LRRTM4: variants seen among roughly 807,000 people sequenced by gnomAD.
LRRTM4 encodes leucine-rich repeat transmembrane neuronal protein 4.
In LRRTM4, 25 loss-of-function variants were observed where a neutral mutation model predicts 47.6. The ratio of observed to expected loss-of-function variants is 0.53; its 90% CI spans 0.38 to 0.73. The LOEUF is 0.73. Ranked by LOEUF, LRRTM4 falls within the 30% of genes least tolerant of loss-of-function variation. The pLI is 0.00. For missense variants in LRRTM4, 638 were observed against 713.4 expected (o/e 0.89, Z 1.20); for synonymous variants, 311 against 269.5 (o/e 1.15, Z -1.51).
intron 3 of LRRTM4, among the ~76,000 whole-genome samples, chr2:76,837,983 G>T (rs1423881756): frequency 6.6e-6 from 1 of 151,696 alleles, no homozygotes; most frequent in East Asian, 1.9e-4. Context: ...TATACCTAAT[G>T]CTAAATGACG....
At chr2:77,294,039 T>C (rs1025756449) in intron 3 of LRRTM4, among the ~76,000 whole-genome samples, 2 of 152,190 alleles carry the variant, frequency 1.3e-5, no homozygotes, top group East Asian at 1.9e-4. Flanking sequence ...AACATATATG[T>C]ATACCACATA....
chr2:77,016,441 G>A (rs1262035425), intron 3 of LRRTM4, among the ~76,000 whole-genome samples: 1 of 151,556 alleles, frequency 6.6e-6, no homozygotes, highest in Non-Finnish European at 1.5e-5. Context: ...AGTTCTGATT[G>A]CTGAATAGAA....
intron 3 of LRRTM4, among the ~76,000 whole-genome samples, chr2:77,277,692 C>T (rs562368245): frequency 6.6e-6 from 1 of 152,052 alleles, no homozygotes; most frequent in Admixed American, 6.6e-5. Flanking sequence ...CAGATGATCT[C>T]GTTTTCTTAA....
rs1209427676 is a variant in LRRTM4, at chr2:77,324,180, A to G, written c.1551+194138T>C. Among the ~76,000 whole-genome samples, 3 of 152,174 alleles carry G rather than the reference A, an allele frequency of 2.0e-5. No individual in the cohort carries two copies. In the East Asian group the frequency reaches 5.8e-4, roughly 29 times the overall value. Reference sequence around the variant, plus strand: ...TTCTGGTGTTCTCTCCCTATCCCACATGTATTTGACTTTATTGATATTTTT... The same window carrying G: ...TTCTGGTGTTCTCTCCCTATCCCACGTGTATTTGACTTTATTGATATTTTT... On this transcript the variant is annotated intron_variant, in intron 3 of 3. Transcript: ENST00000409884.
At chr2:76,942,674 A>G (rs1325967209) in intron 3 of LRRTM4, among the ~76,000 whole-genome samples, 20 of 123,342 alleles carry the variant, frequency 1.6e-4, no homozygotes, top group Admixed American at 6.4e-4. Context: ...ACCTCTAGGA[A>G]TCTGTGTGTG....
At chr2:77,491,732 T>G (rs1678171606) in intron 3 of LRRTM4, among the ~76,000 whole-genome samples, 1 of 151,716 alleles carries the variant, frequency 6.6e-6, no homozygotes, top group African/African-American at 2.4e-5. Flanking sequence ...AGGGAAAGAG[T>G]AAAGGAATAA....
At chr2:76,969,945 C>T (rs915057889) in intron 3 of LRRTM4, among the ~76,000 whole-genome samples, 1 of 151,938 alleles carries the variant, frequency 6.6e-6, no homozygotes, top group African/African-American at 2.4e-5. Context: ...CAGAATATAT[C>T]TGTTCTGCTG....
chr2:77,002,549 T>C lies in LRRTM4; in HGVS notation c.1552-253633A>G, dbSNP rs557382773. 5.9e-5 allele frequency among the ~76,000 whole-genome samples: 9 copies of C among 152,286 alleles called. No homozygotes were observed. The East Asian group carries it at 1.5e-3, about 26-fold the overall frequency. On this transcript the variant is annotated intron_variant, in intron 3 of 3. Coordinates refer to ENST00000409884, the MANE Select transcript of LRRTM4 (RefSeq NM_001134745.3). ...TCTAATTGCTATCCCTATGTCCTTA[T>C]TAGCCTCAAACAATCTATTCTTTTC...
chr2:76,951,381 T>G (rs1675488239), intron 3 of LRRTM4, among the ~76,000 whole-genome samples: 1 of 151,974 alleles, frequency 6.6e-6, no homozygotes, highest in Admixed American at 6.6e-5. Context: ...AAAAAACAAT[T>G]TATTTCTTTT....
chr2:77,148,430 T>C (rs1359029970), intron 3 of LRRTM4, among the ~76,000 whole-genome samples: 4 of 152,102 alleles, frequency 2.6e-5, no homozygotes, highest in African/African-American at 4.8e-5. Flanking sequence ...CATCATTCTT[T>C]TTTTCCCCCA....
intron 3 of LRRTM4, among the ~76,000 whole-genome samples, chr2:77,019,937 A>T (rs1289360864): frequency 6.6e-6 from 1 of 152,060 alleles, no homozygotes; most frequent in Non-Finnish European, 1.5e-5. Context: ...GCTCGAAAGG[A>T]AGCAAATAAA....
At chr2:77,033,462 G>T (rs1323807649) in intron 3 of LRRTM4, among the ~76,000 whole-genome samples, 1 of 151,788 alleles carries the variant, frequency 6.6e-6, no homozygotes, top group African/African-American at 2.4e-5. Flanking sequence ...TATTGTATAT[G>T]ATATCGGCCA....
intron 3 of LRRTM4, among the ~76,000 whole-genome samples, chr2:77,306,784 G>A (rs1677284763): frequency 6.6e-6 from 1 of 151,468 alleles, no homozygotes; most frequent in Non-Finnish European, 1.5e-5. Context: ...AAAGTTAAAT[G>A]CCAGTAAATT....
At chr2:77,251,666 A>T (rs1270198397) in intron 3 of LRRTM4, among the ~76,000 whole-genome samples, 2 of 152,190 alleles carry the variant, frequency 1.3e-5, no homozygotes, top group African/African-American at 2.4e-5. Flanking sequence ...AAGAGAGGTT[A>T]TATAATAGCC....
intron 3 of LRRTM4, among the ~76,000 whole-genome samples, chr2:77,154,073 C>A (rs1672496187): frequency 6.6e-6 from 1 of 152,096 alleles, no homozygotes; most frequent in Non-Finnish European, 1.5e-5. Context: ...CCATCAATAC[C>A]AAATGAAGAG....
At chr2:77,493,615 T>C (rs1046710520) in intron 3 of LRRTM4, among the ~76,000 whole-genome samples, 78 of 152,102 alleles carry the variant, frequency 5.1e-4, no homozygotes, top group African/African-American at 1.8e-3. Context: ...TACAGCTTCA[T>C]GGAGAGAAGA....
intron 3 of LRRTM4, among the ~76,000 whole-genome samples, chr2:76,804,512 G>C (rs1675862573): frequency 6.6e-6 from 1 of 151,584 alleles, no homozygotes; most frequent in African/African-American, 2.4e-5. Context: ...CTGATTTTTG[G>C]TGTATCTATT....
At chr2:77,473,676 G>T (rs1269124688) in intron 3 of LRRTM4, among the ~76,000 whole-genome samples, 1 of 152,044 alleles carries the variant, frequency 6.6e-6, no homozygotes, top group African/African-American at 2.4e-5. Context: ...GTTTCTTTGG[G>T]GAGTAAGAAG....
chr2:77,486,311 T>C (rs1023861167), intron 3 of LRRTM4, among the ~76,000 whole-genome samples: 2 of 152,214 alleles, frequency 1.3e-5, no homozygotes, highest in Admixed American at 1.3e-4. Flanking sequence ...ATGTTATCCT[T>C]TCCTTACTCA....
Sources: allele counts gnomAD v4.1 joint callset (sites outside exome capture counted in the v4.1 genomes callset), GRCh38; gene constraint gnomAD v4.1.1; transcripts MANE v1.5; gene names NCBI Gene and HGNC (gene_info 2026-07-23, HGNC 2026-07-21).